Variants in JPH2 observed in about 807,000 individuals in gnomAD.
JPH2 encodes the protein junctophilin 2, also known as junctophilin-2.
JPH2 carries 38 observed loss-of-function variants against 55.9 expected under a neutral mutation model. That is an observed-to-expected ratio of 0.68 (90% CI 0.52 to 0.89). The LOEUF (loss-of-function observed/expected upper bound fraction) is 0.89, where lower values mean the gene tolerates loss of function less well. Among genes scored for constraint, JPH2 ranks in the 40% least tolerant of loss-of-function variants. The pLI is 0.00. For missense variants in JPH2, 964 were observed against 1,037.6 expected (o/e 0.93, Z 0.97); for synonymous variants, 480 against 472.4 (o/e 1.02, Z -0.21).
chr20:44,126,184 A>AAGGAAGGAAGGAAGGAAGGAAGGG (rs2072275498), intron 2 of JPH2, among the ~76,000 whole-genome samples: 1 of 96,668 alleles, frequency 1.0e-5, no homozygotes, highest in Non-Finnish European at 2.1e-5. Context: ...GGAAGGAAGG[A>AAGGAAGGAAGGAAGGAAGGAAGGG]AGGAAGGGAG....
rs2072365657 is a variant in JPH2, at chr20:44,134,308, ATTTATT to A, written c.1170-15691_1170-15686del. On this transcript the variant is annotated intron_variant, in intron 2 of 5. Transcript: ENST00000372980. ...AATATTTATTATAAATATAATAAAT[ATTTATT>A]ATAAATATATAATAAATATATAATA... 7.3e-5 allele frequency among the ~76,000 whole-genome samples: 2 copies of A among 27,390 alleles called. 1 individual carries two copies. Among genetic ancestry groups the A allele is most frequent in the Non-Finnish European group, 1.2e-4 (2 of 16,726 alleles). The allele number at this position is 27,390 out of a possible 152,430, so 18.0% of individuals were successfully genotyped here.
At chr20:44,175,707 C>A (rs1053098586) in intron 1 of JPH2, among the ~76,000 whole-genome samples, 3 of 152,214 alleles carry the variant, frequency 2.0e-5, no homozygotes, top group Admixed American at 2.0e-4. Context: ...CCGTGGCTCA[C>A]CCCCAGAAGC....
intron 2 of JPH2, among the ~76,000 whole-genome samples, chr20:44,131,854 T>C (rs899727908): frequency 1.3e-5 from 2 of 152,208 alleles, no homozygotes; most frequent in African/African-American, 2.4e-5. Context: ...TGGAAACTTT[T>C]GTCCCCAGAC....
chr20:44,173,878 A>G (rs1352931920), intron 1 of JPH2, among the ~76,000 whole-genome samples: 1 of 152,154 alleles, frequency 6.6e-6, no homozygotes, highest in Non-Finnish European at 1.5e-5. Context: ...GTACCACTGC[A>G]CTCCAGCCTG....
At chr20:44,117,834 A>G (rs1600830439) in intron 3 of JPH2, among the ~76,000 whole-genome samples, 1 of 152,172 alleles carries the variant, frequency 6.6e-6, no homozygotes, top group African/African-American at 2.4e-5. Context: ...AACCATAATC[A>G]TGAAACAACA....
At chr20:44,123,657 C>A (rs1054969213) in intron 2 of JPH2, among the ~76,000 whole-genome samples, 1 of 152,210 alleles carries the variant, frequency 6.6e-6, no homozygotes, top group Non-Finnish European at 1.5e-5. Context: ...CAGTGCCTCT[C>A]CTAATGCAGT....
chr20:44,162,745 C>CATATAT (rs1157323951), intron 1 of JPH2, among the ~76,000 whole-genome samples: 3 of 52,468 alleles, frequency 5.7e-5, no homozygotes, highest in African/African-American at 8.5e-5. Flanking sequence ...AATAAACTTC[C>CATATAT]ATATATATAT....
At chr20:44,162,389 A>G (rs948681245) in intron 1 of JPH2, among the ~76,000 whole-genome samples, 1 of 152,068 alleles carries the variant, frequency 6.6e-6, no homozygotes, top group African/African-American at 2.4e-5. Flanking sequence ...TATTAGCTTG[A>G]TTGGATTGAA....
chr20:44,149,029 T>C (rs550393727), intron 2 of JPH2, among the ~76,000 whole-genome samples: 1 of 149,672 alleles, frequency 6.7e-6, no homozygotes, highest in Non-Finnish European at 1.5e-5. Flanking sequence ...ATGGCGCCAC[T>C]GCACTCCAGC....
At chr20:44,181,089 C>T (rs1314798256) in intron 1 of JPH2, among the ~76,000 whole-genome samples, 1 of 151,938 alleles carries the variant, frequency 6.6e-6, no homozygotes, top group Non-Finnish European at 1.5e-5. Flanking sequence ...GTTTGGGAGG[C>T]CAGAGCTCCT....
chr20:44,155,083 T>C (rs1269459341), intron 2 of JPH2, among the ~76,000 whole-genome samples: 1 of 151,880 alleles, frequency 6.6e-6, no homozygotes, highest in Admixed American at 6.6e-5. Context: ...TAAGGGGGCA[T>C]CCCTCCTTCT....
At chr20:44,153,672 A>T (rs1172068395) in intron 2 of JPH2, among the ~76,000 whole-genome samples, 1 of 152,260 alleles carries the variant, frequency 6.6e-6, no homozygotes. Flanking sequence ...CGGGGGCACA[A>T]CAGCAGGAAG....
In JPH2 at chr20:44,112,474, A is replaced by C. The variant is rs6065705; in HGVS notation, c.*1044T>G. On this transcript the variant is annotated 3_prime_UTR_variant, in exon 6 of 6. Transcript: ENST00000372980. ...CCAGGCTGTACCCAGTTGGAGCCCC[A>C]GACTTGCCCCTCTCTTGCCGGGAAA... The C allele has an allele frequency of 0.53, 80,864 of 152,162 alleles. 22,759 individuals carry two copies. The highest frequency in any genetic ancestry group is 0.73 in the African/African-American group (30,341 of 41,462). 9.4% of individuals were successfully genotyped at this position (152,162 alleles called of 1,614,324 possible). A position where few individuals can be genotyped will look rare whatever the true frequency, so the allele number is the denominator to read the frequency against.
At chr20:44,186,283 T>G in intron 1 of JPH2, 44 bp downstream of exon 1, 5 of 1,568,404 alleles carry the variant, frequency 3.2e-6, no homozygotes, top group African/African-American at 1.4e-5. Flanking sequence ...TTTCTCACCC[T>G]CCCTGGCTCC....
Position 44,115,911 on chromosome 20 carries a change from C to T in JPH2, c.1764G>A (p.Glu588=), listed in dbSNP as rs941825157. 5.1e-6 allele frequency: 8 copies of T among 1,570,144 alleles called. No homozygotes were observed. In the African/African-American group the frequency reaches 8.1e-5, roughly 16 times the overall value. ...AGGGCGCGGACTCGGACCCGGAGAC[C>T]TCGGGCTCGGGCTGGTCCTCAAAGG... is the stretch of plus-strand genomic sequence containing the variant. ...PPPFEDQPEP[E]VSGSESAPSS... The change falls in exon 4 of 6, where the codon GAG becomes GAA. Residue 588 remains glutamate, a synonymous_variant. Coordinates refer to ENST00000372980, the MANE Select transcript of JPH2 (RefSeq NM_020433.5).
intron 2 of JPH2, among the ~76,000 whole-genome samples, chr20:44,142,560 A>G (rs2072465461): frequency 6.6e-6 from 1 of 152,128 alleles, no homozygotes; most frequent in African/African-American, 2.4e-5. Flanking sequence ...CCCCCTGGCC[A>G]GCTCTTTCAG....
At chr20:44,137,677 C>T (rs73289252) in intron 2 of JPH2, among the ~76,000 whole-genome samples, 2,137 of 152,326 alleles carry the variant, frequency 0.014, 51 homozygotes, top group African/African-American at 0.047. Flanking sequence ...TTCCAGAGAT[C>T]GGATTCGGCC....
intron 2 of JPH2, among the ~76,000 whole-genome samples, chr20:44,130,918 T>G (rs2072313420): frequency 6.6e-6 from 1 of 152,104 alleles, no homozygotes; most frequent in African/African-American, 2.4e-5. Flanking sequence ...TGAGGCATGG[T>G]GGTTAATAGC....
rs1362529031 is a variant in JPH2 at position 44,109,189 on chromosome 20, C to T, written c.*4329G>A. Among the ~76,000 whole-genome samples, 1 of 152,214 alleles carries T rather than the reference C, an allele frequency of 6.6e-6. No homozygotes were observed. The highest frequency in any genetic ancestry group is 1.5e-5 in the Non-Finnish European group (1 of 68,044). On this transcript the variant is annotated 3_prime_UTR_variant, in exon 6 of 6. Coordinates refer to ENST00000372980, the MANE Select transcript of JPH2 (RefSeq NM_020433.5). ...TTCAGTCCCAGCTCTGTCCTTCCCT[C>T]TCTGTGATACCTTGAACCAATCACT...
Sources: allele counts gnomAD v4.1 joint callset (sites outside exome capture counted in the v4.1 genomes callset), GRCh38; gene constraint gnomAD v4.1.1; transcripts MANE v1.5; gene names NCBI Gene and HGNC (gene_info 2026-07-23, HGNC 2026-07-21).